The following UNC13C variants were observed in gnomAD, a reference collection of about 807,000 sequenced individuals.
UNC13C encodes the protein unc-13 homolog C, also known as protein unc-13 homolog C.
Under a neutral mutation model 245.4 loss-of-function variants are expected in UNC13C, and 174 were observed. The ratio of observed to expected loss-of-function variants is 0.71; its 90% confidence interval spans 0.63 to 0.80. UNC13C has a LOEUF of 0.80. UNC13C is among the 30% of genes least tolerant of loss of function. The pLI, the probability that UNC13C is intolerant of heterozygous loss-of-function variation, is 0.00. For missense variants in UNC13C, 2,829 were observed against 2,602.9 expected, an observed-to-expected ratio of 1.09 and a Z score of -1.89; for synonymous variants, 992 against 895.1, an observed-to-expected ratio of 1.11 and a Z score of -1.93.
chr15:54,518,630 T>C (rs936382398), intron 24 of UNC13C, among the ~76,000 whole-genome samples: 2 of 152,218 alleles, frequency 1.3e-5, no homozygotes, highest in Non-Finnish European at 2.9e-5. Context: ...TCAGTTCTCT[T>C]GTTTGCCCTA....
the UNC13C span, chr15:53,914,698 A>T: frequency 6.6e-6 from 1 of 152,210 alleles, no homozygotes; most frequent in Non-Finnish European, 1.5e-5. Flanking sequence ...GCTGAATAAA[A>T]TCATCTTTCA....
chr15:54,336,998 G>A (rs1206336036), intron 16 of UNC13C, among the ~76,000 whole-genome samples: 4 of 152,032 alleles, frequency 2.6e-5, no homozygotes, highest in Admixed American at 6.6e-5. Flanking sequence ...AGATAAATCC[G>A]GAGAGAACTG....
chr15:53,928,615 C>T, the UNC13C span, among the ~76,000 whole-genome samples: 3 of 152,114 alleles, frequency 2.0e-5, no homozygotes, highest in Non-Finnish European at 2.9e-5. Flanking sequence ...TCTATTTAGA[C>T]TCTCCTGGAA....
chr15:54,345,258 T>G lies in UNC13C; in HGVS notation c.4713+6769T>G, dbSNP rs149428212. 1.4e-4 allele frequency among the ~76,000 whole-genome samples: 22 copies of G among 152,302 alleles called. No individual in the cohort carries two copies. The East Asian group carries it at 2.5e-3, about 17-fold the overall frequency. On this transcript the variant is annotated intron_variant, in intron 17 of 32. Coordinates refer to ENST00000260323, the MANE Select transcript of UNC13C (RefSeq NM_001080534.3). ...AAAAGCATTTGTTTAATGAACTGAA[T>G]ACATAAATAAACTGATTTTTCTCCA...
At chr15:54,141,971 T>C (rs1254869163) in intron 2 of UNC13C, among the ~76,000 whole-genome samples, 1 of 152,156 alleles carries the variant, frequency 6.6e-6, no homozygotes, top group African/African-American at 2.4e-5. Context: ...TTTTAATCTT[T>C]CCATTGCTCA....
intron 2 of UNC13C, among the ~76,000 whole-genome samples, chr15:54,071,151 C>A (rs1002081920): frequency 6.6e-6 from 1 of 152,046 alleles, no homozygotes; most frequent in Non-Finnish European, 1.5e-5. Flanking sequence ...CTAGGCATAG[C>A]CACCAATTCA....
intron 18 of UNC13C, among the ~76,000 whole-genome samples, chr15:54,403,805 G>A (rs1332079252): frequency 6.7e-6 from 1 of 149,064 alleles, no homozygotes; most frequent in Non-Finnish European, 1.5e-5. Context: ...TTAAATATCT[G>A]AGTTCATTAA....
intron 4 of UNC13C, among the ~76,000 whole-genome samples, chr15:54,195,950 C>T (rs181040971): frequency 2.2e-4 from 34 of 152,174 alleles, no homozygotes; most frequent in African/African-American, 8.2e-4. Context: ...TTTTTACTGA[C>T]ACCTTGAATA....
intron 8 of UNC13C, among the ~76,000 whole-genome samples, 177 bp from the exon 9 acceptor site, chr15:54,263,991 C>CT (rs2140889262): frequency 6.6e-6 from 1 of 152,086 alleles, no homozygotes; most frequent in Admixed American, 6.6e-5. Context: ...CAAAGGAGTA[C>CT]TAGTTGTTGT....
At chr15:54,250,486 G>T (rs758487049) in intron 8 of UNC13C, 42 bp downstream of exon 8, 1 of 1,526,282 alleles carries the variant, frequency 6.6e-7, no homozygotes, top group African/African-American at 1.4e-5. Flanking sequence ...TGCAGAGCCT[G>T]CCTTATTCCA....
At chr15:54,341,744 AG>A (rs2038736989) in intron 17 of UNC13C, among the ~76,000 whole-genome samples, 1 of 152,156 alleles carries the variant, frequency 6.6e-6, no homozygotes, top group Non-Finnish European at 1.5e-5. Flanking sequence ...TGGGAGGCCG[AG>A]GCAGGTAGAT....
chr15:54,592,416 G>A (rs1371740542), intron 30 of UNC13C, among the ~76,000 whole-genome samples: 2 of 152,102 alleles, frequency 1.3e-5, no homozygotes, highest in East Asian at 3.9e-4. Context: ...CACTATTATT[G>A]TGTTGCTGTC....
At chr15:53,848,650 T>G in the UNC13C span, among the ~76,000 whole-genome samples, 2 of 152,122 alleles carry the variant, frequency 1.3e-5, no homozygotes, top group Non-Finnish European at 2.9e-5. Flanking sequence ...ATTCTTGGCG[T>G]TTTTTAGGTC....
intron 2 of UNC13C, among the ~76,000 whole-genome samples, chr15:54,067,151 T>A (rs537437003): frequency 6.6e-6 from 1 of 152,168 alleles, no homozygotes; most frequent in Non-Finnish European, 1.5e-5. Flanking sequence ...ACTGTTTTTT[T>A]AATCTTGGTT....
chr15:54,181,511 C>T (rs910437744), intron 4 of UNC13C, among the ~76,000 whole-genome samples: 8 of 151,422 alleles, frequency 5.3e-5, no homozygotes, highest in Non-Finnish European at 1.0e-4. Flanking sequence ...TCTTCTTAGG[C>T]TTGCTTTGGC....
At chr15:54,050,583 T>C in intron 2 of UNC13C, 2 of 430,290 alleles carry the variant, frequency 4.6e-6, no homozygotes, top group East Asian at 5.9e-5. Context: ...TACACTTTTT[T>C]CCACTCTTTC....
chr15:54,416,956 T>C (rs1421417692), intron 19 of UNC13C: 1 of 456,588 alleles, frequency 2.2e-6, no homozygotes, highest in Admixed American at 2.3e-5. Context: ...TTCCCACCAA[T>C]CTTCATAAGC....
chr15:54,492,938 G>C (rs1337099324), intron 19 of UNC13C, among the ~76,000 whole-genome samples: 1 of 152,178 alleles, frequency 6.6e-6, no homozygotes, highest in Non-Finnish European at 1.5e-5. Flanking sequence ...AGAGTAGGTG[G>C]TGTTACTCAC....
intron 26 of UNC13C, among the ~76,000 whole-genome samples, chr15:54,536,462 C>G (rs1438576349): frequency 6.6e-6 from 1 of 151,588 alleles, no homozygotes; most frequent in Non-Finnish European, 1.5e-5. Flanking sequence ...GGAGGAGGTA[C>G]TACTCCACAA....
Sources: gnomAD v4.1 joint callset for allele counts (sites outside exome capture counted in the v4.1 genomes callset) on GRCh38, gnomAD v4.1.1 for gene constraint, MANE v1.5 for transcripts, NCBI Gene and HGNC (gene_info 2026-07-23, HGNC 2026-07-21) for gene names.